The following LRP10 variants were observed in gnomAD, a reference collection of about 807,000 sequenced individuals.
LRP10 encodes the protein LDL receptor related protein 10.
In LRP10, 42 loss-of-function variants were observed where a neutral mutation model predicts 58.5. That is an observed-to-expected ratio of 0.72 (90% CI 0.56 to 0.93). LRP10 has a LOEUF of 0.93. Among genes scored for constraint, LRP10 ranks in the 40% least tolerant of loss-of-function variants. The pLI is 0.00. For missense variants in LRP10, 872 were observed against 940.1 expected (o/e 0.93, Z 0.95); for synonymous variants, 377 against 388.5 (o/e 0.97, Z 0.35).
rs145952893 is a variant in LRP10, at chr14:22,877,031, G to A, written c.1646G>A (p.Arg549Gln). Reference sequence around the variant, plus strand: ...GGCCCAGGTGCCCGCCGTCGTCAGCGGGGCCGCTTGATGCGACGCCTGGTA... The same window carrying A: ...GGCCCAGGTGCCCGCCGTCGTCAGCAGGGCCGCTTGATGCGACGCCTGGTA... ...GGGPGARRRQRGRLMRRLVRR... is the reference protein window; with the variant it reads ...GGGPGARRRQQGRLMRRLVRR... The change falls in exon 7 of 7, where the codon CGG becomes CAG. Residue 549 changes from arginine to glutamine, a missense_variant. Arg to Gln is a conservative substitution (Grantham distance 43). Transcript: ENST00000359591. This position sits in a 1 kb window ranked among gnomAD's most constrained non-coding sequence, Gnocchi z 5.1. The A allele has an allele frequency of 2.1e-5, 34 of 1,613,282 alleles. No homozygotes were observed. The highest frequency in any genetic ancestry group is 1.6e-4 in the Middle Eastern group (1 of 6,078).
At position 22,875,727 on chromosome 14, in the gene LRP10, G is replaced by A. The variant is rs374677073; in HGVS notation, c.779G>A (p.Arg260Gln). 2.3e-5 allele frequency: 37 copies of A among 1,613,706 alleles called. No individual in the cohort carries two copies. The highest frequency in any genetic ancestry group is 2.0e-4 in the South Asian group (18 of 91,082). Residue 260 changes from arginine to glutamine, a missense_variant, in exon 5 of 7, where the codon CGA (arginine) becomes CAA (glutamine). Coordinates refer to ENST00000359591, the MANE Select transcript of LRP10 (RefSeq NM_014045.5). The stretch of plus-strand genomic sequence containing the variant: ...GGCCCTGGGCCCCCTGAGAGCTCCC[G>A]ACTACTGCGTAGTCTCACCCACTTC... Reference protein sequence around the residue: ...YDGPGPPESSRLLRSLTHFSN... With the variant: ...YDGPGPPESSQLLRSLTHFSN...
rs777559287 is a variant in LRP10 at position 22,875,600 on chromosome 14, C to A, written c.652C>A (p.Gln218Lys). 2.5e-6 allele frequency: 4 copies of A among 1,614,178 alleles called. No individual in the cohort carries two copies. Among genetic ancestry groups the A allele is most frequent in the Admixed American group, 1.7e-5 (1 of 60,028 alleles). The change falls in exon 5 of 7, where the codon CAG becomes AAG. Residue 218 changes from glutamine (Q) to lysine (K), a missense_variant. Physicochemically the swap from Gln to Lys is moderately conservative, Grantham distance 53. Transcript: ENST00000359591. ...YTHLASVSHP[Q>K]SCHWLLDPHD... is the part of the protein sequence containing the mutation. ...ACACCTAGCCTCAGTCTCCCACCCCCAGTCCTGCCATTGGCTGCTGGACCC... is the reference window on the plus strand; with the variant it reads ...ACACCTAGCCTCAGTCTCCCACCCCAAGTCCTGCCATTGGCTGCTGGACCC...
In LRP10 at chr14:22,877,308, G is replaced by A. The variant is rs371430508; in HGVS notation, c.1923G>A (p.Leu641=). The change falls in exon 7 of 7, where the codon CTG becomes CTA. Residue 641 remains leucine (L), a synonymous_variant. Coordinates refer to ENST00000359591, the MANE Select transcript of LRP10 (RefSeq NM_014045.5). The surrounding 1 kb of genome is among the most constrained non-coding windows in gnomAD (Gnocchi z 5.1). ...PTTVPEAPGP[L]PSLPLEPSLL... The stretch of plus-strand genomic sequence containing the variant: ...CTGTCCCTGAAGCCCCAGGGCCACT[G>A]CCCTCACTGCCCCTAGAGCCATCAC... 286 of 1,611,804 alleles carry A rather than the reference G, an allele frequency of 1.8e-4. 2 individuals are homozygous for A. The highest frequency in any genetic ancestry group is 9.9e-4 in the Middle Eastern group (6 of 6,068).
In LRP10 at chr14:22,876,178, G is replaced by T; in HGVS notation, c.1230G>T (p.Lys410Asn). ...QPGNFRCRDE[K>N]CVYETWVCDG... ...GCAATTTCCGATGCCGGGACGAGAAGTGCGTGTATGAGACGTGGGTGTGCG... is the reference window on the plus strand; with the variant it reads ...GCAATTTCCGATGCCGGGACGAGAATTGCGTGTATGAGACGTGGGTGTGCG... The change falls in exon 5 of 7, where the codon AAG becomes AAT. Residue 410 changes from lysine (K) to asparagine (N), a missense_variant. Coordinates refer to ENST00000359591, the MANE Select transcript of LRP10 (RefSeq NM_014045.5). 3 of 1,614,254 alleles carry T rather than the reference G, an allele frequency of 1.9e-6. No individual in the cohort carries two copies. The highest frequency in any genetic ancestry group is 2.5e-6 in the Non-Finnish European group (3 of 1,180,052).
rs1015141592 is a variant in LRP10, at chr14:22,872,125, G to A, written c.-179G>A. 4.7e-6 allele frequency: 3 copies of A among 640,218 alleles called. No individual in the cohort carries two copies. In the African/African-American group the frequency reaches 5.6e-5, roughly 12 times the overall value. 39.7% of individuals were successfully genotyped at this position (640,218 alleles called of 1,614,324 possible). On this transcript the variant is annotated 5_prime_UTR_variant, in exon 1 of 7. Coordinates refer to ENST00000359591, the MANE Select transcript of LRP10 (RefSeq NM_014045.5). ...GGCGAAAGGCACCGCCCCTACTCCC[G>A]GGCTGCCGCCGCCTCCCCGCCCCCA...
In LRP10 at chr14:22,877,485, G is replaced by C. The variant is rs753892502; in HGVS notation, c.2100G>C (p.Gly700=). ...TACTGGTGCCACTGGCTGAGCCGGG[G>C]GTGTGGGTAGCTGAGGCAGAGGATG... ...DVLLVPLAEP[G]VWVAEAEDEP... is the part of the protein sequence containing the mutation. Residue 700 remains glycine, a synonymous_variant, in exon 7 of 7, where the codon GGG becomes GGC. Coordinates refer to ENST00000359591, the MANE Select transcript of LRP10 (RefSeq NM_014045.5). The surrounding 1 kb of genome is among the most constrained non-coding windows in gnomAD (Gnocchi z 5.1). 4 of 1,610,836 alleles carry C rather than the reference G, an allele frequency of 2.5e-6. No individual in the cohort carries two copies. In the South Asian group the frequency reaches 4.4e-5, roughly 18 times the overall value.
At chr14:22,873,678 C>T (rs1438045097) in intron 3 of LRP10, among the ~76,000 whole-genome samples, 1 of 152,148 alleles carries the variant, frequency 6.6e-6, no homozygotes, top group Non-Finnish European at 1.5e-5. Context: ...GTGCCCGCCA[C>T]CATGCCCAGC....
intron 1 of LRP10, 108 bp from the exon 2 acceptor site, chr14:22,872,630 C>T (rs1467676723): frequency 9.0e-7 from 1 of 1,109,306 alleles, no homozygotes; most frequent in African/African-American, 1.6e-5. Flanking sequence ...ACTCCCTCTT[C>T]CGATTAACTG....
In LRP10 at chr14:22,873,369, G is replaced by A; in HGVS notation, c.138G>A (p.Leu46=). The A allele has an allele frequency of 1.9e-6, 3 of 1,613,970 alleles. No individual in the cohort carries two copies. Among genetic ancestry groups the A allele is most frequent in the Non-Finnish European group, 1.7e-6 (2 of 1,179,970 alleles). The change falls in exon 3 of 7, where the codon CTG becomes CTA. Residue 46 remains leucine, a synonymous_variant. Transcript: ENST00000359591. ...LEVQGTLQRP[L]VRDSRTSPAN... ...TGCAGGGCACCTTACAGAGGCCCCT[G>A]GTCCGGGACAGCCGCACCTCCCCTG... is the stretch of plus-strand genomic sequence containing the variant.
rs777405640 is a variant in LRP10, at chr14:22,875,795, G to A, written c.847G>A (p.Ala283Thr). ...AVTVETLSGQAVVSYHTVAWS... is the reference protein window; with the variant it reads ...AVTVETLSGQTVVSYHTVAWS... ...CACTGTGGAGACACTGTCTGGCCAGGCTGTTGTGTCCTACCACACAGTTGC... is the reference window on the plus strand; with the variant it reads ...CACTGTGGAGACACTGTCTGGCCAGACTGTTGTGTCCTACCACACAGTTGC... The change falls in exon 5 of 7, where the codon GCT becomes ACT. Residue 283 changes from alanine (A) to threonine (T), a missense_variant. Coordinates refer to ENST00000359591, the MANE Select transcript of LRP10 (RefSeq NM_014045.5). 1.2e-6 allele frequency: 2 copies of A among 1,614,192 alleles called. No individual in the cohort carries two copies. The highest frequency in any genetic ancestry group is 1.7e-6 in the Non-Finnish European group (2 of 1,180,038).
Position 22,876,168 on chromosome 14 carries a change from G to A in LRP10, c.1220G>A (p.Arg407Gln), listed in dbSNP as rs752726588. The A allele has an allele frequency of 1.7e-5, 27 of 1,614,106 alleles. No individual in the cohort carries two copies. Among genetic ancestry groups the A allele is most frequent in the East Asian group, 4.5e-5 (2 of 44,900 alleles). ...TGCCAGCCTGGCAATTTCCGATGCC[G>A]GGACGAGAAGTGCGTGTATGAGACG... ...RHCQPGNFRC[R>Q]DEKCVYETWV... The change falls in exon 5 of 7, where the codon CGG (arginine) becomes CAG (glutamine). Residue 407 changes from arginine to glutamine, a missense_variant. Transcript: ENST00000359591.
chr14:22,880,675 A>T lies in LRP10; in HGVS notation c.*3148A>T, dbSNP rs2040053068. 6.6e-6 allele frequency: 1 copy of T among 151,694 alleles called. No individual in the cohort carries two copies. The highest frequency in any genetic ancestry group is 2.1e-4 in the South Asian group (1 of 4,822). The allele number at this position is 151,694 out of a possible 1,614,324, so 9.4% of individuals were successfully genotyped here. ...GAGGGGAGAAGGACCCCCCAGCCAC[A>T]CAGCCCAAGGCTGCAGAAGCACCTA... On this transcript the variant is annotated 3_prime_UTR_variant, in exon 7 of 7. Coordinates refer to ENST00000359591, the MANE Select transcript of LRP10 (RefSeq NM_014045.5).
rs989750678 is a variant in LRP10 at position 22,881,048 on chromosome 14, C to T, written c.*3521C>T. 8.5e-5 allele frequency: 13 copies of T among 152,158 alleles called. No individual in the cohort carries two copies. The highest frequency in any genetic ancestry group is 3.9e-4 in the Admixed American group (6 of 15,272). The allele number at this position is 152,158 out of a possible 1,614,324, so 9.4% of individuals were successfully genotyped here. On this transcript the variant is annotated 3_prime_UTR_variant, in exon 7 of 7. Coordinates refer to ENST00000359591, the MANE Select transcript of LRP10 (RefSeq NM_014045.5). The stretch of plus-strand genomic sequence containing the variant: ...TGCCCGATGATGCCAGATTCTTCAT[C>T]ACCTGAAGTGAACCCACACAACAGG...
intron 2 of LRP10, chr14:22,872,992 T>C: frequency 3.2e-6 from 2 of 620,704 alleles, no homozygotes; most frequent in South Asian, 4.0e-5. Context: ...GGAATATCTA[T>C]GCTTGATCGT....
chr14:22,875,276 G>A lies in LRP10; in HGVS notation c.406+31G>A, dbSNP rs762525946. On this transcript the variant is annotated intron_variant, in intron 4 of 6. Transcript: ENST00000359591. ...CTGGACAGGGATGTCTGAGGAGCAG[G>A]CAGTGAAAGCCCCAGGCAGAAGGGG... 5.9e-5 allele frequency: 93 copies of A among 1,580,572 alleles called. 1 individual carries two copies. Among genetic ancestry groups the A allele is most frequent in the Non-Finnish European group, 7.5e-5 (87 of 1,159,698 alleles).
intron 1 of LRP10, 126 bp from the exon 2 acceptor site, chr14:22,872,612 C>T: frequency 2.2e-6 from 2 of 918,222 alleles, no homozygotes; most frequent in Non-Finnish European, 3.4e-6. Context: ...AGCCCTCTCC[C>T]GCCCCCCACT....
rs2040058188 is a variant in LRP10, at chr14:22,881,213, A to G, written c.*3686A>G. 1 of 152,124 alleles carries G rather than the reference A, an allele frequency of 6.6e-6. No homozygotes were observed. Among genetic ancestry groups the G allele is most frequent in the South Asian group, 2.1e-4 (1 of 4,834 alleles). 9.4% of individuals were successfully genotyped at this position (152,124 alleles called of 1,614,324 possible). A position where few individuals can be genotyped will look rare whatever the true frequency, so the allele number is the denominator to read the frequency against. On this transcript the variant is annotated 3_prime_UTR_variant, in exon 7 of 7. Coordinates refer to ENST00000359591, the MANE Select transcript of LRP10 (RefSeq NM_014045.5). ...TTCCAAATCTCACCCTTGTCCCACCATTCCATGGGACCTCCCATTCCTGAG... is the reference window on the plus strand; with the variant it reads ...TTCCAAATCTCACCCTTGTCCCACCGTTCCATGGGACCTCCCATTCCTGAG...
chr14:22,877,143 T>A lies in LRP10; in HGVS notation c.1758T>A (p.Ala586=), dbSNP rs763812059. Residue 586 remains alanine (A), a synonymous_variant, in exon 7 of 7, where the codon GCT becomes GCA. Transcript: ENST00000359591. This position sits in a 1 kb window ranked among gnomAD's most constrained non-coding sequence, Gnocchi z 5.1. ...SEARSQVTPS[A]APLEALDGGT... Reference sequence around the variant, plus strand: ...CCAGATCCCAGGTCACACCTTCTGCTGCTCCCCTTGAGGCCCTAGATGGTG... The same window carrying A: ...CCAGATCCCAGGTCACACCTTCTGCAGCTCCCCTTGAGGCCCTAGATGGTG... The A allele has an allele frequency of 6.2e-7, 1 of 1,609,586 alleles. No individual in the cohort carries two copies. Among genetic ancestry groups the A allele is most frequent in the Admixed American group, 1.7e-5 (1 of 59,394 alleles).
rs761097738 is a variant in LRP10, at chr14:22,877,148, C to T, written c.1763C>T (p.Pro588Leu). The change falls in exon 7 of 7, where the codon CCC becomes CTC. Residue 588 changes from proline to leucine, a missense_variant. Pro to Leu is a moderately conservative substitution (Grantham distance 98). Coordinates refer to ENST00000359591, the MANE Select transcript of LRP10 (RefSeq NM_014045.5). The surrounding 1 kb of genome is among the most constrained non-coding windows in gnomAD (Gnocchi z 5.1). ...ARSQVTPSAA[P>L]LEALDGGTGP... The stretch of plus-strand genomic sequence containing the variant: ...TCCCAGGTCACACCTTCTGCTGCTC[C>T]CCTTGAGGCCCTAGATGGTGGCACA... 1.2e-6 allele frequency: 2 copies of T among 1,607,896 alleles called. No individual in the cohort carries two copies. The highest frequency in any genetic ancestry group is 1.7e-6 in the Non-Finnish European group (2 of 1,176,944).
Sources: allele counts gnomAD v4.1 joint callset (sites outside exome capture counted in the v4.1 genomes callset), GRCh38; gene constraint gnomAD v4.1.1; non-coding constraint Gnocchi (gnomAD v3.1); transcripts MANE v1.5; gene names NCBI Gene and HGNC (gene_info 2026-07-23, HGNC 2026-07-21).